HDGFL2: variants seen among roughly 807,000 people sequenced by gnomAD.
HDGFL2 encodes the protein HDGF like 2.
HDGFL2 carries 36 observed loss-of-function variants against 77.1 expected under a neutral mutation model. The observed-to-expected ratio is 0.47, with a 90% CI of 0.36 to 0.62. HDGFL2 has a LOEUF of 0.62. Among genes scored for constraint, HDGFL2 ranks in the 20% least tolerant of loss-of-function variants. HDGFL2 has a pLI of 0.00. For missense variants in HDGFL2, 976 were observed against 973.4 expected, an observed-to-expected ratio of 1.00 and a Z score of -0.04; for synonymous variants, 463 against 413.1, an observed-to-expected ratio of 1.12 and a Z score of -1.46.
intron 8 of HDGFL2, 31 bp downstream of exon 8, chr19:4,494,088 G>A (rs759517375): frequency 2.6e-6 from 4 of 1,552,624 alleles, no homozygotes; most frequent in Admixed American, 2.0e-5. Context: ...CCCCTCTGGC[G>A]GCTCCTCCAT....
chr19:4,494,284 C>CAGGAGAAGG lies in HDGFL2; in HGVS notation c.1045_1053dup (p.Glu349_Glu351dup), dbSNP rs757054860. On this transcript the variant is annotated inframe_insertion, in exon 9 of 16. Transcript: ENST00000616600. Reference sequence around the variant, plus strand: ...GGAGGAGCTGCGGCGCCTGCGGGAGCAGGAGAAGGAGGAGAAGGAGCGGAG... The same window carrying CAGGAGAAGG: ...GGAGGAGCTGCGGCGCCTGCGGGAGCAGGAGAAGGAGGAGAAGGAGGAGAAGGAGCGGAG... 7.2e-5 allele frequency: 104 copies of CAGGAGAAGG among 1,450,392 alleles called. No individual in the cohort carries two copies. The African/African-American group carries it at 1.1e-3, about 15-fold the overall frequency. The allele number at this position is 1,450,392 out of a possible 1,614,324, so 89.8% of individuals were successfully genotyped here.
intron 3 of HDGFL2, among the ~76,000 whole-genome samples, chr19:4,487,362 T>C (rs1044532470): frequency 6.6e-6 from 1 of 151,966 alleles, no homozygotes; most frequent in African/African-American, 2.4e-5. Context: ...GCTCAAGCGA[T>C]CCTCCTGCCT....
chr19:4,482,981 C>T (rs759454684), intron 3 of HDGFL2, among the ~76,000 whole-genome samples: 28 of 152,264 alleles, frequency 1.8e-4, no homozygotes, highest in Non-Finnish European at 3.5e-4. Context: ...TGCTACTCCC[C>T]ACCCCCAGCG....
At chr19:4,472,450 T>TGGGGGGGGGGGGGG in intron 1 of HDGFL2, 28 bp downstream of exon 1, 1 of 280,526 alleles carries the variant, frequency 3.6e-6, no homozygotes, top group Non-Finnish European at 5.9e-6. Flanking sequence ...ATGGGGCCGG[T>TGGGGGGGGGGGGGG]GGGGGGGGGG....
At chr19:4,492,537 G>A (rs1975544620) in intron 6 of HDGFL2, among the ~76,000 whole-genome samples, 1 of 151,526 alleles carries the variant, frequency 6.6e-6, no homozygotes, top group Non-Finnish European at 1.5e-5. Context: ...TCTGTGTGTG[G>A]TGTCTGTGTT....
intron 1 of HDGFL2, among the ~76,000 whole-genome samples, chr19:4,473,710 C>CG (rs1975002186): frequency 1.7e-5 from 2 of 116,950 alleles, no homozygotes; most frequent in South Asian, 5.9e-4. Flanking sequence ...GAATGGGGCT[C>CG]GGGGCTCTGT....
rs769090414 is a variant in HDGFL2 at position 4,491,827 on chromosome 19, A to G, written c.670A>G (p.Lys224Glu). ...ACGGAGGGGCCCTCTGGGGGGACGG[A>G]AAAAAAAGGTAGCGTGCACTTGACT... ...APRRGPLGGR[K>E]KKKAPSASDS... The change falls in exon 6 of 16, where the codon AAA becomes GAA. Residue 224 changes from lysine to glutamate, a missense_variant. Lys to Glu is a moderately conservative substitution (Grantham distance 56, BLOSUM62 1). Coordinates refer to ENST00000616600, the MANE Select transcript of HDGFL2 (RefSeq NM_001001520.3). 6.2e-7 allele frequency: 1 copy of G among 1,608,810 alleles called. No individual in the cohort carries two copies. The highest frequency in any genetic ancestry group is 8.5e-7 in the Non-Finnish European group (1 of 1,175,732).
intron 1 of HDGFL2, among the ~76,000 whole-genome samples, chr19:4,473,989 G>A (rs1490988423): frequency 1.3e-5 from 2 of 152,046 alleles, no homozygotes; most frequent in African/African-American, 4.8e-5. Flanking sequence ...GACCTGGATA[G>A]TCCCAGGTGT....
chr19:4,488,416 G>GA (rs139604135), intron 3 of HDGFL2, among the ~76,000 whole-genome samples: 12,013 of 152,224 alleles, frequency 0.079, 531 homozygotes, highest in African/African-American at 0.13. Flanking sequence ...GAAGCACAGA[G>GA]GGTTGAAGTC....
chr19:4,493,780 G>T lies in HDGFL2; in HGVS notation c.756G>T (p.Arg252=), dbSNP rs751151854. 1.3e-6 allele frequency: 2 copies of T among 1,544,492 alleles called. No homozygotes were observed. The highest frequency in any genetic ancestry group is 2.4e-5 in the South Asian group (2 of 83,526). The change falls in exon 7 of 16, where the codon CGG becomes CGT. Residue 252 remains arginine (R), a synonymous_variant. Transcript: ENST00000616600. ...AGCCTGAGCCGGTGGCCATGGCGCGGTCGGCGTCCTCCTCCTCCTCTTCCT... is the reference window on the plus strand; with the variant it reads ...AGCCTGAGCCGGTGGCCATGGCGCGTTCGGCGTCCTCCTCCTCCTCTTCCT... ...GAKPEPVAMA[R]SASSSSSSSS...
Position 4,488,889 on chromosome 19 carries a change from C to A in HDGFL2, c.489+13C>A. ...GCCTGCGCTAAAGGTAGGGGAGGACCAAGGTGGGCTGGCCCTTCATCCCCT... is the reference window on the plus strand; with the variant it reads ...GCCTGCGCTAAAGGTAGGGGAGGACAAAGGTGGGCTGGCCCTTCATCCCCT... On this transcript the variant is annotated intron_variant, in intron 4 of 15. Transcript: ENST00000616600. The A allele has an allele frequency of 6.5e-7, 1 of 1,548,368 alleles. No individual in the cohort carries two copies. Among genetic ancestry groups the A allele is most frequent in the Non-Finnish European group, 8.7e-7 (1 of 1,144,808 alleles).
chr19:4,484,603 C>T (rs1975311332), intron 3 of HDGFL2, among the ~76,000 whole-genome samples: 1 of 151,192 alleles, frequency 6.6e-6, no homozygotes, highest in South Asian at 2.1e-4. Context: ...GGGTTCACAC[C>T]ATTCTCCTGC....
At chr19:4,490,595 A>G (rs1281280644) in intron 4 of HDGFL2, among the ~76,000 whole-genome samples, 3 of 152,062 alleles carry the variant, frequency 2.0e-5, no homozygotes, top group Admixed American at 6.6e-5. Flanking sequence ...ACCATTTCTC[A>G]CTATTTGGGT....
chr19:4,490,973 A>C (rs1212431510), intron 4 of HDGFL2, among the ~76,000 whole-genome samples: 1 of 151,908 alleles, frequency 6.6e-6, no homozygotes, highest in African/African-American at 2.4e-5. Flanking sequence ...CACCACACCC[A>C]GCTAATTTTG....
chr19:4,499,597 T>C lies in HDGFL2; in HGVS notation c.1682T>C (p.Val561Ala), dbSNP rs1599726044. The change falls in exon 14 of 16, where the codon GTG (valine) becomes GCG (alanine). Residue 561 changes from valine to alanine, a missense_variant. By Grantham distance (64) the Val-to-Ala change is moderately conservative. Transcript: ENST00000616600. ...LGPKIEAVQK[V>A]NKAGMEKEKA... ...CCAAAGATCGAGGCGGTGCAGAAAGTGAACAAGGCTGGGATGGAGAAGGAG... is the reference window on the plus strand; with the variant it reads ...CCAAAGATCGAGGCGGTGCAGAAAGCGAACAAGGCTGGGATGGAGAAGGAG... The C allele has an allele frequency of 6.2e-7, 1 of 1,608,476 alleles. No individual in the cohort carries two copies. Among genetic ancestry groups the C allele is most frequent in the Non-Finnish European group, 8.5e-7 (1 of 1,177,906 alleles).
chr19:4,501,991 C>T lies in HDGFL2; in HGVS notation c.1997C>T (p.Ala666Val). 4 of 1,516,158 alleles carry T rather than the reference C, an allele frequency of 2.6e-6. No individual in the cohort carries two copies. Among genetic ancestry groups the T allele is most frequent in the East Asian group, 2.5e-5 (1 of 40,690 alleles). 93.9% of individuals were successfully genotyped at this position (1,516,158 alleles called of 1,614,324 possible). ...ERERARGDSEALDEES is the reference protein window; with the variant it reads ...ERERARGDSEVLDEES ...GAGAGGGCACGGGGGGACTCGGAGGCCCTGGACGAGGAGAGCTGAGCCGCG... is the reference window on the plus strand; with the variant it reads ...GAGAGGGCACGGGGGGACTCGGAGGTCCTGGACGAGGAGAGCTGAGCCGCG... The change falls in exon 16 of 16, where the codon GCC (alanine) becomes GTC (valine). Residue 666 changes from alanine to valine, a missense_variant. Transcript: ENST00000616600.
intron 3 of HDGFL2, among the ~76,000 whole-genome samples, chr19:4,481,437 G>T (rs1031097882): frequency 6.6e-6 from 1 of 150,708 alleles, no homozygotes; most frequent in African/African-American, 2.4e-5. Flanking sequence ...TGATCCGCCC[G>T]CCTCGGCCTC....
chr19:4,496,331 C>T lies in HDGFL2; in HGVS notation c.1254C>T (p.Ser418=), dbSNP rs770639056. 1.2e-6 allele frequency: 2 copies of T among 1,614,148 alleles called. No individual in the cohort carries two copies. The highest frequency in any genetic ancestry group is 1.7e-6 in the Non-Finnish European group (2 of 1,180,006). ...AGAAATCAGCGAAGAAGCCGCAGTC[C>T]TCAAGCACAGAGCCCGCCAGGAAAC... ...EAKKSAKKPQ[S]SSTEPARKPG... The change falls in exon 10 of 16, where the codon TCC becomes TCT. Residue 418 remains serine (S), a synonymous_variant. Transcript: ENST00000616600.
intron 1 of HDGFL2, among the ~76,000 whole-genome samples, chr19:4,473,156 TCTCA>T (rs1383174873): frequency 6.9e-6 from 1 of 144,000 alleles, no homozygotes; most frequent in East Asian, 2.1e-4. Flanking sequence ...CCTGATAAAT[TCTCA>T]CTCTGGGGGA....
Sources: allele counts gnomAD v4.1 joint callset (sites outside exome capture counted in the v4.1 genomes callset), GRCh38; gene constraint gnomAD v4.1.1; transcripts MANE v1.5; gene names NCBI Gene and HGNC (gene_info 2026-07-23, HGNC 2026-07-21).